The following TRAM1 variants were observed in gnomAD, a reference collection of about 807,000 sequenced individuals.
The protein encoded by TRAM1 is translocation associated membrane protein 1.
A neutral mutation model predicts 48.7 loss-of-function variants in TRAM1; 17 were observed. That is an observed-to-expected ratio of 0.35 (90% CI 0.24 to 0.52). TRAM1 has a LOEUF of 0.52. Among genes scored for constraint, TRAM1 ranks in the 20% least tolerant of loss-of-function variants. The probability of loss-of-function intolerance (pLI) is 0.94; values close to 1 mark genes in which losing one functional copy is unlikely to be tolerated. For missense variants in TRAM1, 351 were observed against 441.5 expected (o/e 0.79, Z 1.84); for synonymous variants, 182 against 154.0 (o/e 1.18, Z -1.34).
At chr8:70,582,199 T>C (rs548982860) in intron 10 of TRAM1, among the ~76,000 whole-genome samples, 19 of 152,190 alleles carry the variant, frequency 1.2e-4, no homozygotes, top group South Asian at 2.1e-4. Context: ...TGGGTTGAAA[T>C]AGTCAATTAT....
At chr8:70,587,395 A>G (rs1817247272) in intron 6 of TRAM1, 2 of 498,374 alleles carry the variant, frequency 4.0e-6, no homozygotes, top group Non-Finnish European at 3.6e-6. Context: ...TAGAAGTAGG[A>G]GATCTGAAAG....
Sources: gnomAD v4.1 joint callset for allele counts (sites outside exome capture counted in the v4.1 genomes callset) on GRCh38, gnomAD v4.1.1 for gene constraint, MANE v1.5 for transcripts, NCBI Gene and HGNC (gene_info 2026-07-23, HGNC 2026-07-21) for gene names.